PDE11A: variants seen among roughly 807,000 people sequenced by gnomAD.
PDE11A encodes the protein dual 3',5'-cyclic-AMP and -GMP phosphodiesterase 11A.
Under a neutral mutation model 100.5 loss-of-function variants are expected in PDE11A, and 100 were observed. That is an observed-to-expected ratio of 1.00 (90% confidence interval 0.85 to 1.18). PDE11A has a LOEUF of 1.18. Ranked by LOEUF, PDE11A falls within the 50% of genes most tolerant of loss-of-function variation. The probability of loss-of-function intolerance (pLI) is 0.00; values close to 1 mark genes in which losing one functional copy is unlikely to be tolerated. For synonymous variants in PDE11A, 381 were observed against 420.8 expected (o/e 0.91, Z 1.16); for missense variants, 1,141 against 1,152.6 (o/e 0.99, Z 0.15).
intron 18 of PDE11A, among the ~76,000 whole-genome samples, chr2:177,667,592 G>A (rs572752204): frequency 6.6e-6 from 1 of 152,130 alleles, no homozygotes; most frequent in African/African-American, 2.4e-5. Context: ...AATGCTTGAT[G>A]AGAAAAAAAA....
intron 1 of PDE11A, among the ~76,000 whole-genome samples, chr2:178,033,853 A>T (rs1360278190): frequency 6.6e-6 from 1 of 152,204 alleles, no homozygotes; most frequent in Admixed American, 6.5e-5. Context: ...ATGCTGAGGG[A>T]TTTTGTCACC....
intron 1 of PDE11A, among the ~76,000 whole-genome samples, chr2:178,044,391 TTATATGTTTATATATATATAAACTTTATA>T (rs1302604326): frequency 6.8e-6 from 1 of 147,176 alleles, no homozygotes; most frequent in Non-Finnish European, 1.5e-5. Flanking sequence ...TATATAAACT[TTATATGTTTATATATATATAAACTTTATA>T]TATATGTTTA....
At chr2:178,030,973 A>G (rs1328672987) in intron 1 of PDE11A, among the ~76,000 whole-genome samples, 2 of 152,130 alleles carry the variant, frequency 1.3e-5, no homozygotes, top group Non-Finnish European at 2.9e-5. Context: ...ACATAAAAAA[A>G]GATCACTTTT....
At chr2:177,851,418 G>A (rs1337720939) in intron 5 of PDE11A, among the ~76,000 whole-genome samples, 1 of 152,008 alleles carries the variant, frequency 6.6e-6, no homozygotes, top group African/African-American at 2.4e-5. Context: ...ATAGCATTAG[G>A]AGATATACCT....
Position 178,071,874 on chromosome 2 carries a change from T to C in PDE11A, c.564A>G (p.Thr188=), listed in dbSNP as rs768155164. 6.2e-7 allele frequency: 1 copy of C among 1,613,956 alleles called. No individual in the cohort carries two copies. Among genetic ancestry groups the C allele is most frequent in the Non-Finnish European group, 8.5e-7 (1 of 1,179,864 alleles). The part of the protein sequence containing the change: ...SRVNLPRYPP[T]AIDYKCHLKK... ...TCAGATGGCACTTGTAGTCGATGGC[T>C]GTAGGGGGATACCGAGGCAGATTCA... The change falls in exon 1 of 20, where the codon ACA becomes ACG. Residue 188 remains threonine, a synonymous_variant. Coordinates refer to ENST00000286063, the MANE Select transcript of PDE11A (RefSeq NM_016953.4).
At chr2:177,723,365 G>A (rs2081556823) in intron 12 of PDE11A, 1 of 152,170 alleles carries the variant, frequency 6.6e-6, no homozygotes, top group Non-Finnish European at 1.5e-5. Flanking sequence ...CCCAGTAAAT[G>A]TCAGGGGGTG....
intron 10 of PDE11A, among the ~76,000 whole-genome samples, chr2:177,734,449 G>A (rs2081743216): frequency 1.3e-5 from 2 of 152,030 alleles, no homozygotes; most frequent in Non-Finnish European, 2.9e-5. Flanking sequence ...CTATGATCGC[G>A]CCTGTGAATA....
At chr2:177,851,810 G>A (rs568386531) in intron 5 of PDE11A, among the ~76,000 whole-genome samples, 16 of 152,018 alleles carry the variant, frequency 1.1e-4, no homozygotes, top group East Asian at 7.7e-4. Flanking sequence ...GTAAACATGC[G>A]TCATGGGGGT....
intron 2 of PDE11A, chr2:177,998,680 TC>T: frequency 8.4e-7 from 1 of 1,186,548 alleles, no homozygotes; most frequent in Non-Finnish European, 1.3e-6. Flanking sequence ...CCATCCAGTA[TC>T]ACTTGATAGG....
At chr2:177,648,323 A>T (rs2080254756) in intron 19 of PDE11A, among the ~76,000 whole-genome samples, 1 of 106,908 alleles carries the variant, frequency 9.4e-6, no homozygotes, top group Non-Finnish European at 2.4e-5. Context: ...AAAGCCAAAG[A>T]TATGGGAAAA....
In PDE11A at chr2:177,845,655, G is replaced by C. The variant is rs946423132; in HGVS notation, c.1368-5272C>G. ...GCGGCCGGGCAGAGGCTGCAATCTC[G>C]GCACTTTGGGAGGCCAAGGCAGGCA... On this transcript the variant is annotated intron_variant, in intron 5 of 19. Coordinates refer to ENST00000286063, the MANE Select transcript of PDE11A (RefSeq NM_016953.4). Among the ~76,000 whole-genome samples the C allele has an allele frequency of 2.0e-5, 3 of 152,178 alleles. No individual in the cohort carries two copies. In the South Asian group the frequency reaches 6.2e-4, roughly 32 times the overall value.
intron 2 of PDE11A, among the ~76,000 whole-genome samples, chr2:177,928,851 A>C (rs2085167195): frequency 6.6e-6 from 1 of 151,774 alleles, no homozygotes; most frequent in African/African-American, 2.4e-5. Context: ...TTACAGAGAA[A>C]GACCCTGTCT....
At chr2:177,911,224 GA>G (rs2084877186) in intron 2 of PDE11A, among the ~76,000 whole-genome samples, 1 of 152,120 alleles carries the variant, frequency 6.6e-6, no homozygotes, top group African/African-American at 2.4e-5. Context: ...GAGTAATTTA[GA>G]AAATAACATA....
intron 2 of PDE11A, among the ~76,000 whole-genome samples, chr2:177,936,014 A>G (rs2085267963): frequency 2.0e-5 from 3 of 152,124 alleles, no homozygotes; most frequent in Admixed American, 1.3e-4. Flanking sequence ...ATTTTCTCCT[A>G]AACTCTTTTG....
At chr2:178,034,973 G>T (rs958154452) in intron 1 of PDE11A, among the ~76,000 whole-genome samples, 2 of 152,058 alleles carry the variant, frequency 1.3e-5, no homozygotes, top group Non-Finnish European at 1.5e-5. Context: ...AACTAGAGAA[G>T]CAAGAGCAAA....
Position 177,769,502 on chromosome 2 carries a change from C to A in PDE11A, c.1738-129G>T, listed in dbSNP as rs187756598. On this transcript the variant is annotated intron_variant, in intron 9 of 19. Coordinates refer to ENST00000286063, the MANE Select transcript of PDE11A (RefSeq NM_016953.4). ...TTTAAAGGTGGACTTTAATGTATGA[C>A]AAGAAACAACATGTCTAATAACATT... 211 of 652,212 alleles carry A rather than the reference C, an allele frequency of 3.2e-4. No individual in the cohort carries two copies. The African/African-American group carries it at 3.7e-3, about 11-fold the overall frequency. 40.4% of individuals were successfully genotyped at this position (652,212 alleles called of 1,614,324 possible). A position where few individuals can be genotyped will look rare whatever the true frequency, so the allele number is the denominator to read the frequency against.
At chr2:178,026,807 A>T (rs909045482) in intron 1 of PDE11A, among the ~76,000 whole-genome samples, 2 of 152,304 alleles carry the variant, frequency 1.3e-5, no homozygotes, top group East Asian at 3.9e-4. Context: ...TATTATTTCA[A>T]ATCAGTCAGA....
At chr2:177,712,720 C>T (rs547413104) in intron 12 of PDE11A, among the ~76,000 whole-genome samples, 1 of 152,120 alleles carries the variant, frequency 6.6e-6, no homozygotes, top group African/African-American at 2.4e-5. Context: ...GGAAGTGGAC[C>T]TCTGGGAATG....
Position 178,071,663 on chromosome 2 carries a change from C to A in PDE11A, c.775G>T (p.Asp259Tyr). The change falls in exon 1 of 20, where the codon GAT becomes TAT. Residue 259 changes from aspartate (D) to tyrosine (Y), a missense_variant. By Grantham distance (160) the Asp-to-Tyr change is radical (BLOSUM62 -3). Transcript: ENST00000286063. ...GKKTLVSKFF[D>Y]VHAGTPLLPC... ...AGCAGAGGTGTTCCTGCATGCACAT[C>A]AAAGAATTTGGAGACCAAGGTCTTC... 1 of 1,613,672 alleles carries A rather than the reference C, an allele frequency of 6.2e-7. No homozygotes were observed. The highest frequency in any genetic ancestry group is 8.5e-7 in the Non-Finnish European group (1 of 1,179,556).
Sources: allele counts gnomAD v4.1 joint callset (sites outside exome capture counted in the v4.1 genomes callset), GRCh38; gene constraint gnomAD v4.1.1; transcripts MANE v1.5; gene names NCBI Gene and HGNC (gene_info 2026-07-23, HGNC 2026-07-21).